Variants in SGCD observed in about 807,000 individuals in gnomAD.
SGCD encodes delta-sarcoglycan.
In SGCD, 18 loss-of-function variants were observed where a neutral mutation model predicts 36.6. The ratio of observed to expected loss-of-function variants is 0.49; its 90% CI spans 0.34 to 0.73. The LOEUF (loss-of-function observed/expected upper bound fraction) is 0.73, where lower values mean the gene tolerates loss of function less well. Ranked by LOEUF, SGCD falls within the 30% of genes least tolerant of loss-of-function variation. The pLI is 0.01. For synonymous variants in SGCD, 133 were observed against 130.6 expected, an observed-to-expected ratio of 1.02 and a Z score of -0.12; for missense variants, 387 against 346.7, an observed-to-expected ratio of 1.12 and a Z score of -0.92.
At chr5:156,070,069 T>C (rs1303104249) in intron 1 of SGCD, among the ~76,000 whole-genome samples, 3 of 151,334 alleles carry the variant, frequency 2.0e-5, no homozygotes, top group Non-Finnish European at 4.4e-5. Context: ...AATCATGTCA[T>C]CTGCAAACAG....
At chr5:156,486,635 A>G (rs2127844767) in intron 3 of SGCD, among the ~76,000 whole-genome samples, 1 of 152,266 alleles carries the variant, frequency 6.6e-6, no homozygotes, top group African/African-American at 2.4e-5. Flanking sequence ...CTCACCTGCC[A>G]CTGCCTGCAC....
rs77814506 is a variant in SGCD, at chr5:155,937,511, G to A, written c.-282+67087G>A. On this transcript the variant is annotated intron_variant, in intron 1 of 9. Coordinates refer to the SGCD transcript ENST00000517913. ...TGCATCCATAAAAGAAGTGGAGGGA[G>A]AAAGGAAGAGAAAAGGCCAGAAAGG... is the stretch of plus-strand genomic sequence containing the variant. Among the ~76,000 whole-genome samples the A allele has an allele frequency of 5.1e-3, 775 of 152,342 alleles. 6 individuals carry two copies. Among genetic ancestry groups the A allele is most frequent in the African/African-American group, 0.017 (695 of 41,580 alleles).
At chr5:156,518,680 A>G (rs909595281) in intron 4 of SGCD, among the ~76,000 whole-genome samples, 6 of 152,240 alleles carry the variant, frequency 3.9e-5, no homozygotes, top group African/African-American at 1.4e-4. Context: ...CAATTACATT[A>G]GAACTCAAGA....
At chr5:156,215,010 C>T (rs1764537635) in intron 3 of SGCD, among the ~76,000 whole-genome samples, 1 of 151,862 alleles carries the variant, frequency 6.6e-6, no homozygotes. Flanking sequence ...GTTGAGCATC[C>T]CAAATCCAAA....
the SGCD span, among the ~76,000 whole-genome samples, chr5:155,732,414 C>T: frequency 6.6e-6 from 1 of 152,236 alleles, no homozygotes; most frequent in Non-Finnish European, 1.5e-5. Context: ...CTAATCCTAA[C>T]ACCCCATTCT....
the SGCD span, among the ~76,000 whole-genome samples, chr5:155,744,447 A>G: frequency 1.3e-5 from 2 of 152,160 alleles, no homozygotes; most frequent in Non-Finnish European, 2.9e-5. Flanking sequence ...GCGACAGAGC[A>G]AGACTCCAAC....
intron 6 of SGCD, among the ~76,000 whole-genome samples, chr5:156,611,638 G>A (rs280456): frequency 0.26 from 40,266 of 151,996 alleles, 5,418 homozygotes; most frequent in East Asian, 0.31. Context: ...TAGACGTGGC[G>A]AGTTTTCAGC....
At chr5:156,202,911 G>A (rs1764186714) in intron 3 of SGCD, among the ~76,000 whole-genome samples, 1 of 151,960 alleles carries the variant, frequency 6.6e-6, no homozygotes, top group Non-Finnish European at 1.5e-5. Context: ...GATTGTAAAG[G>A]TTTTAATTTT....
chr5:156,367,006 TA>T (rs1770142603), intron 3 of SGCD, among the ~76,000 whole-genome samples: 4 of 152,222 alleles, frequency 2.6e-5, no homozygotes, highest in Admixed American at 2.6e-4. Context: ...ACATAACTTC[TA>T]CACCCTCAGT....
At chr5:156,143,710 C>A (rs1762630905) in intron 3 of SGCD, among the ~76,000 whole-genome samples, 1 of 152,010 alleles carries the variant, frequency 6.6e-6, no homozygotes, top group East Asian at 1.9e-4. Flanking sequence ...ATACGGCCTG[C>A]AGCCTCATTC....
At chr5:156,293,395 A>G (rs1173767282) in intron 3 of SGCD, among the ~76,000 whole-genome samples, 1 of 152,126 alleles carries the variant, frequency 6.6e-6, no homozygotes, top group Non-Finnish European at 1.5e-5. Flanking sequence ...AGCATTGCCA[A>G]TTTCAAGGTT....
intron 1 of SGCD, among the ~76,000 whole-genome samples, chr5:155,902,934 G>A (rs918668515): frequency 6.6e-6 from 1 of 152,254 alleles, no homozygotes; most frequent in Admixed American, 6.5e-5. Context: ...ATAGATACGA[G>A]TTACATGCAA....
chr5:155,919,802 G>C (rs191949696), intron 1 of SGCD, among the ~76,000 whole-genome samples: 1 of 152,194 alleles, frequency 6.6e-6, no homozygotes, highest in East Asian at 1.9e-4. Flanking sequence ...TTCATTTACT[G>C]ATTCAGTGAA....
intron 7 of SGCD, among the ~76,000 whole-genome samples, chr5:156,680,276 C>A (rs1377241463): frequency 1.3e-5 from 2 of 152,084 alleles, no homozygotes; most frequent in Non-Finnish European, 2.9e-5. Flanking sequence ...AGTTTCCTGA[C>A]CCCCGGGACT....
the SGCD span, among the ~76,000 whole-genome samples, chr5:155,762,554 A>G: frequency 2.8e-4 from 43 of 152,274 alleles, no homozygotes; most frequent in African/African-American, 1.0e-3. Flanking sequence ...GCAGCTCTAA[A>G]GGTTTGTTCT....
intron 1 of SGCD, among the ~76,000 whole-genome samples, chr5:155,992,713 T>C (rs1345212280): frequency 6.6e-6 from 1 of 152,230 alleles, no homozygotes; most frequent in Non-Finnish European, 1.5e-5. Flanking sequence ...CATGGTTCCA[T>C]TAATCAGGAA....
chr5:156,555,861 G>A (rs910428478), intron 4 of SGCD, among the ~76,000 whole-genome samples: 3 of 151,548 alleles, frequency 2.0e-5, no homozygotes, highest in African/African-American at 7.3e-5. Context: ...ATTTCTTTTA[G>A]CAGTGTTTTG....
chr5:155,963,209 G>A (rs987775024), intron 1 of SGCD, among the ~76,000 whole-genome samples: 5 of 151,888 alleles, frequency 3.3e-5, no homozygotes, highest in Admixed American at 6.6e-5. Flanking sequence ...CATCATAAAT[G>A]TTCAATAAAA....
chr5:156,249,180 G>A (rs1037606651), intron 3 of SGCD, among the ~76,000 whole-genome samples: 1 of 152,176 alleles, frequency 6.6e-6, no homozygotes, highest in African/African-American at 2.4e-5. Context: ...GAGATTTGAG[G>A]ACTGAGCCTT....
Sources: gnomAD v4.1 joint callset for allele counts (sites outside exome capture counted in the v4.1 genomes callset) on GRCh38, gnomAD v4.1.1 for gene constraint, MANE v1.5 for transcripts, NCBI Gene and HGNC (gene_info 2026-07-23, HGNC 2026-07-21) for gene names.